ACSF3: variants seen among roughly 807,000 people sequenced by gnomAD.
ACSF3 encodes the protein malonate--CoA ligase ACSF3, mitochondrial.
Under a neutral mutation model 53.2 loss-of-function variants are expected in ACSF3, and 78 were observed. The ratio of observed to expected loss-of-function variants is 1.47; its 90% CI spans 1.22 to 1.77. The LOEUF (loss-of-function observed/expected upper bound fraction) is 1.77. ACSF3 is among the 40% of genes most tolerant of loss of function. The pLI is 0.00. For missense variants in ACSF3, 937 were observed against 771.1 expected (o/e 1.22, Z -2.55); for synonymous variants, 414 against 333.1 (o/e 1.24, Z -2.65).
chr16:89,117,420 C>A (rs532158691), intron 6 of ACSF3, among the ~76,000 whole-genome samples: 1 of 152,166 alleles, frequency 6.6e-6, no homozygotes, highest in Admixed American at 6.5e-5. Flanking sequence ...GCCTTTTTTA[C>A]TGGAACAGAT....
Position 89,150,838 on chromosome 16 carries a change from G to A in ACSF3, c.1614-3252G>A, listed in dbSNP as rs145809477. 41 of 500,194 alleles carry A rather than the reference G, an allele frequency of 8.2e-5. No homozygotes were observed. The Admixed American group carries it at 9.5e-4, about 12-fold the overall frequency. The allele number at this position is 500,194 out of a possible 1,614,324, so 31.0% of individuals were successfully genotyped here. A position where few individuals can be genotyped will look rare whatever the true frequency, so the allele number is the denominator to read the frequency against. ...GCCCTGAGTCCTGCTTGCTGTGCCC[G>A]GCTCAGGCTGAGACTGCAGTGCTTG... On this transcript the variant is annotated intron_variant, in intron 10 of 10. Transcript: ENST00000614302.
rs1203702127 is a variant in ACSF3 at position 89,133,135 on chromosome 16, G to C, written c.1240-1G>C. On this transcript the variant is annotated splice_acceptor_variant, in intron 7 of 10. Coordinates refer to ENST00000614302, the MANE Select transcript of ACSF3 (RefSeq NM_001243279.3). LOFTEE classifies it high-confidence loss of function. ...ACCTCCATGTTCTTCATCCTCCACA[G>C]GTGACCCCAGGGTTTGAAGAAAAGG... The C allele has an allele frequency of 6.2e-7, 1 of 1,613,734 alleles. No homozygotes were observed. The highest frequency in any genetic ancestry group is 2.2e-5 in the East Asian group (1 of 44,888).
intron 4 of ACSF3, among the ~76,000 whole-genome samples, chr16:89,105,695 G>A (rs1975890647): frequency 6.6e-6 from 1 of 152,234 alleles, no homozygotes; most frequent in Admixed American, 6.5e-5. Context: ...CGCTGACGGT[G>A]GCTGGTCTAC....
rs1393172904 is a variant in ACSF3 at position 89,155,603 on chromosome 16, A to AG, written c.*1400dup. The stretch of plus-strand genomic sequence containing the variant: ...CCTGACCCCGGGAACAGTCAGAGGA[A>AG]GGGGTCCCGCCCTCCCGCCAGAGGC... On this transcript the variant is annotated 3_prime_UTR_variant, in exon 11 of 11. Transcript: ENST00000614302. The AG allele has an allele frequency of 2.2e-6, 1 of 453,882 alleles. No homozygotes were observed. The highest frequency in any genetic ancestry group is 6.9e-5 in the East Asian group (1 of 14,404). 28.1% of individuals were successfully genotyped at this position (453,882 alleles called of 1,614,324 possible).
intron 7 of ACSF3, 129 bp from the exon 8 acceptor site, chr16:89,133,007 G>A (rs868310752): frequency 3.6e-5 from 49 of 1,342,550 alleles, no homozygotes; most frequent in East Asian, 2.8e-4. Flanking sequence ...CCAACAAAGC[G>A]CTCAGTTTCA....
At position 89,102,714 on chromosome 16, in the gene ACSF3, G is replaced by A; in HGVS notation, c.777G>A (p.Trp259Ter). The change falls in exon 4 of 11, where the codon TGG becomes TGA. Residue 259 changes from tryptophan (W) to a stop codon, truncating the protein, a stop_gained. Transcript: ENST00000614302. LOFTEE classifies it high-confidence loss of function. ...GVVNALLCPL[W>*]VGATCVMMPE... ...TCAACGCGCTGCTCTGTCCTCTCTG[G>A]GTGGGAGCCACCTGTGTGATGATGC... is the stretch of plus-strand genomic sequence containing the variant. 1 of 1,613,312 alleles carries A rather than the reference G, an allele frequency of 6.2e-7. No homozygotes were observed. Among genetic ancestry groups the A allele is most frequent in the Non-Finnish European group, 8.5e-7 (1 of 1,180,026 alleles).
intron 4 of ACSF3, among the ~76,000 whole-genome samples, chr16:89,106,931 C>T (rs191861621): frequency 1.8e-4 from 27 of 152,326 alleles, no homozygotes; most frequent in Non-Finnish European, 3.4e-4. Flanking sequence ...GCAGCCACAG[C>T]CTCTGGAGAT....
At chr16:89,111,154 A>G (rs1284637302) in intron 4 of ACSF3, among the ~76,000 whole-genome samples, 3 of 152,130 alleles carry the variant, frequency 2.0e-5, no homozygotes, top group Admixed American at 6.5e-5. Flanking sequence ...GGTGATTCGG[A>G]CGTTTGGATT....
chr16:89,126,811 A>T (rs1908212224), intron 7 of ACSF3, among the ~76,000 whole-genome samples: 1 of 152,364 alleles, frequency 6.6e-6, no homozygotes, highest in South Asian at 2.1e-4. Flanking sequence ...TAGGACTTCC[A>T]ATACGATACT....
chr16:89,136,551 C>T, intron 8 of ACSF3: 11 of 1,272,832 alleles, frequency 8.6e-6, no homozygotes, highest in Non-Finnish European at 1.1e-5. Flanking sequence ...CCTGGCCAGC[C>T]CCTCCTGCCA....
intron 6 of ACSF3, among the ~76,000 whole-genome samples, chr16:89,119,841 C>G (rs551545773): frequency 6.6e-6 from 1 of 152,340 alleles, no homozygotes; most frequent in South Asian, 2.1e-4. Context: ...CCGGGACGCC[C>G]CATGGATTGC....
At chr16:89,141,978 G>C (rs545263354) in intron 8 of ACSF3, among the ~76,000 whole-genome samples, 1 of 152,284 alleles carries the variant, frequency 6.6e-6, no homozygotes, top group Admixed American at 6.5e-5. Flanking sequence ...CAGTGCTGCT[G>C]GGGGAGTCTC....
At chr16:89,107,926 A>T (rs1814585538) in intron 4 of ACSF3, among the ~76,000 whole-genome samples, 1 of 152,230 alleles carries the variant, frequency 6.6e-6, no homozygotes, top group Non-Finnish European at 1.5e-5. Context: ...TACCCAAGAC[A>T]GGGAAGAAAA....
At chr16:89,141,265 A>C (rs1031156338) in intron 8 of ACSF3, 3 of 1,287,168 alleles carry the variant, frequency 2.3e-6, no homozygotes, top group Middle Eastern at 6.5e-4. Context: ...TGGCAAAGGC[A>C]CAGCAAGGCG....
At chr16:89,147,289 G>A (rs146185582) in intron 10 of ACSF3, among the ~76,000 whole-genome samples, 560 of 81,388 alleles carry the variant, frequency 6.9e-3, no homozygotes, top group Non-Finnish European at 0.011. Flanking sequence ...GGGCCACAGT[G>A]TGAGTGAGGG....
intron 7 of ACSF3, among the ~76,000 whole-genome samples, chr16:89,128,155 AC>A (rs1760658156): frequency 6.6e-6 from 1 of 150,990 alleles, no homozygotes; most frequent in African/African-American, 2.4e-5. Context: ...TTGATTTGAG[AC>A]CTTTCCTCTT....
chr16:89,117,265 C>T (rs1377310902), intron 6 of ACSF3, among the ~76,000 whole-genome samples: 4 of 152,188 alleles, frequency 2.6e-5, no homozygotes, highest in Admixed American at 6.5e-5. Flanking sequence ...TCGAAACAGC[C>T]CCTGCGATGG....
At chr16:89,110,007 A>T (rs1976499583) in intron 4 of ACSF3, among the ~76,000 whole-genome samples, 1 of 152,242 alleles carries the variant, frequency 6.6e-6, no homozygotes, top group African/African-American at 2.4e-5. Flanking sequence ...TTCTATGTGT[A>T]TTCCGGATAC....
chr16:89,109,059 C>A (rs1413707867), intron 4 of ACSF3, among the ~76,000 whole-genome samples: 1 of 151,734 alleles, frequency 6.6e-6, no homozygotes, highest in Non-Finnish European at 1.5e-5. Context: ...AGGGTGAAAC[C>A]CTGTCTATAC....
Sources: allele counts gnomAD v4.1 joint callset (sites outside exome capture counted in the v4.1 genomes callset), GRCh38; gene constraint gnomAD v4.1.1; transcripts MANE v1.5; gene names NCBI Gene and HGNC (gene_info 2026-07-23, HGNC 2026-07-21).